NRG3: variants seen among roughly 807,000 people sequenced by gnomAD.
The protein encoded by NRG3 is neuregulin 3.
In NRG3, 31 loss-of-function variants were observed where a neutral mutation model predicts 66.9. The observed-to-expected ratio is 0.46, with a 90% CI of 0.35 to 0.63. The LOEUF is 0.63. Ranked by LOEUF, NRG3 falls within the 20% of genes least tolerant of loss-of-function variation. The probability of loss-of-function intolerance (pLI) is 0.00; values close to 1 mark genes in which losing one functional copy is unlikely to be tolerated. For missense variants in NRG3, 910 were observed against 878.9 expected (o/e 1.04, Z -0.45); for synonymous variants, 393 against 359.4 (o/e 1.09, Z -1.06).
At chr10:82,104,626 A>G (rs1409585609) in intron 1 of NRG3, among the ~76,000 whole-genome samples, 1 of 152,254 alleles carries the variant, frequency 6.6e-6, no homozygotes, top group Non-Finnish European at 1.5e-5. Flanking sequence ...CAATAAAGAA[A>G]TACAGAATGA....
At chr10:81,949,268 T>C (rs1849117444) in intron 1 of NRG3, among the ~76,000 whole-genome samples, 3 of 152,150 alleles carry the variant, frequency 2.0e-5, no homozygotes, top group Non-Finnish European at 2.9e-5. Context: ...GACGCTCTTA[T>C]TACATATGAG....
intron 1 of NRG3, among the ~76,000 whole-genome samples, chr10:82,141,903 GGTGCATACT>G (rs1336358162): frequency 1.3e-5 from 2 of 152,052 alleles, no homozygotes; most frequent in Non-Finnish European, 2.9e-5. Context: ...CTCTTCCAGA[GGTGCATACT>G]ACGTGAAGTT....
At chr10:81,910,370 C>T (rs10883898) in intron 1 of NRG3, among the ~76,000 whole-genome samples, 64,844 of 151,974 alleles carry the variant, frequency 0.43, 16,654 homozygotes, top group East Asian at 0.81. Flanking sequence ...CAAACTGAGC[C>T]CTTGAAGACT....
intron 2 of NRG3, among the ~76,000 whole-genome samples, chr10:82,475,033 G>A (rs1841639658): frequency 2.0e-5 from 3 of 151,048 alleles, no homozygotes. Flanking sequence ...TAAATCCACA[G>A]CCTAGCTTTA....
At chr10:82,491,316 A>ATATATATAT (rs1389375279) in intron 2 of NRG3, among the ~76,000 whole-genome samples, 27 of 136,704 alleles carry the variant, frequency 2.0e-4, no homozygotes, top group Non-Finnish European at 2.6e-4. Context: ...ATATATATAT[A>ATATATATAT]AAATAAAGAT....
At chr10:82,245,655 T>C (rs1250291614) in intron 1 of NRG3, among the ~76,000 whole-genome samples, 1 of 152,208 alleles carries the variant, frequency 6.6e-6, no homozygotes, top group East Asian at 1.9e-4. Flanking sequence ...TTTCAAAAAT[T>C]GCTAATAGTA....
intron 2 of NRG3, among the ~76,000 whole-genome samples, chr10:82,623,537 T>A (rs992537399): frequency 6.6e-6 from 1 of 152,146 alleles, no homozygotes; most frequent in African/African-American, 2.4e-5. Flanking sequence ...TATGATGGAC[T>A]TCAGGGATAG....
chr10:82,133,195 T>C (rs1217922073), intron 1 of NRG3, among the ~76,000 whole-genome samples: 2 of 152,172 alleles, frequency 1.3e-5, no homozygotes, highest in Non-Finnish European at 2.9e-5. Context: ...TAGGCTCTTA[T>C]TGCTAGAAAC....
intron 1 of NRG3, among the ~76,000 whole-genome samples, chr10:82,152,757 T>C (rs968301774): frequency 6.6e-5 from 10 of 151,824 alleles, no homozygotes; most frequent in Non-Finnish European, 8.8e-5. Flanking sequence ...TTGGCCAGCT[T>C]CCTTCCTGCC....
At chr10:82,579,133 G>T (rs191466698) in intron 2 of NRG3, among the ~76,000 whole-genome samples, 2 of 151,724 alleles carry the variant, frequency 1.3e-5, no homozygotes, top group African/African-American at 4.8e-5. Flanking sequence ...GTAGTGTGCA[G>T]TTAATTAGAA....
intron 1 of NRG3, among the ~76,000 whole-genome samples, chr10:82,298,552 T>G (rs1473728643): frequency 1.3e-5 from 2 of 152,178 alleles, no homozygotes. Flanking sequence ...TAGAAGGCAG[T>G]TAACCATCCA....
chr10:81,931,667 T>G (rs1203058751), intron 1 of NRG3, among the ~76,000 whole-genome samples: 1 of 152,194 alleles, frequency 6.6e-6, no homozygotes, highest in African/African-American at 2.4e-5. Flanking sequence ...CTTTTTACTA[T>G]TCATTCTCTA....
At chr10:82,060,157 T>A (rs958396238) in intron 1 of NRG3, among the ~76,000 whole-genome samples, 13 of 152,240 alleles carry the variant, frequency 8.5e-5, no homozygotes, top group African/African-American at 3.1e-4. Flanking sequence ...ACAAAGCCAT[T>A]TCTCACAGTC....
rs1846710572 is a variant in NRG3, at chr10:82,923,889, G to A, written c.1055-27580G>A. Among the ~76,000 whole-genome samples, 3 of 151,824 alleles carry A rather than the reference G, an allele frequency of 2.0e-5. No individual in the cohort carries two copies. In the South Asian group the frequency reaches 6.2e-4, roughly 32 times the overall value. On this transcript the variant is annotated intron_variant, in intron 4 of 8. Coordinates refer to ENST00000372141, the MANE Select transcript of NRG3 (RefSeq NM_001010848.4). The stretch of plus-strand genomic sequence containing the variant: ...AGGTGGGCGGGTTGCTTGAGGTTAG[G>A]AGTTCAAGACCAGCCTGGCCAACAT...
intron 1 of NRG3, among the ~76,000 whole-genome samples, chr10:81,903,876 G>A (rs1215790892): frequency 6.6e-5 from 10 of 151,992 alleles, no homozygotes; most frequent in Admixed American, 6.6e-4. Context: ...AATTTTTACA[G>A]CAGTTATCAA....
chr10:81,894,926 T>C (rs1409558346), intron 1 of NRG3, among the ~76,000 whole-genome samples: 1 of 152,142 alleles, frequency 6.6e-6, no homozygotes, highest in Non-Finnish European at 1.5e-5. Flanking sequence ...CCAGGGGCTG[T>C]GGAGAGGTGG....
At chr10:82,882,541 A>G (rs757732496) in intron 4 of NRG3, among the ~76,000 whole-genome samples, 3 of 152,224 alleles carry the variant, frequency 2.0e-5, no homozygotes, top group Non-Finnish European at 4.4e-5. Flanking sequence ...GGCACTGTCC[A>G]GTGGAAGAAT....
At chr10:82,550,839 C>A (rs1173694265) in intron 2 of NRG3, among the ~76,000 whole-genome samples, 2 of 152,062 alleles carry the variant, frequency 1.3e-5, no homozygotes, top group Non-Finnish European at 2.9e-5. Context: ...ATCAGAAAAT[C>A]CAGTACCTAC....
chr10:82,635,224 C>A (rs973335430), intron 2 of NRG3, among the ~76,000 whole-genome samples: 5 of 152,112 alleles, frequency 3.3e-5, no homozygotes, highest in African/African-American at 1.2e-4. Context: ...CTTTCATCTT[C>A]TTTGTCCCAT....
Sources: gnomAD v4.1 joint callset for allele counts (sites outside exome capture counted in the v4.1 genomes callset) on GRCh38, gnomAD v4.1.1 for gene constraint, MANE v1.5 for transcripts, NCBI Gene and HGNC (gene_info 2026-07-23, HGNC 2026-07-21) for gene names.